Variants in CLIP1 observed in about 807,000 individuals in gnomAD.
CLIP1 encodes CAP-Gly domain containing linker protein 1.
A neutral mutation model predicts 161.6 loss-of-function variants in CLIP1; 66 were observed. The observed-to-expected ratio is 0.41, with a 90% CI of 0.33 to 0.50. The LOEUF (loss-of-function observed/expected upper bound fraction) is 0.50. Ranked by LOEUF, CLIP1 falls within the 20% of genes least tolerant of loss-of-function variation. The pLI is 0.27. For synonymous variants in CLIP1, 598 were observed against 626.2 expected (o/e 0.96, Z 0.67); for missense variants, 1,376 against 1,702.0 (o/e 0.81, Z 3.37).
At chr12:122,310,118 C>A (rs1240840342) in intron 19 of CLIP1, among the ~76,000 whole-genome samples, 1 of 151,992 alleles carries the variant, frequency 6.6e-6, no homozygotes, top group Admixed American at 6.6e-5. Flanking sequence ...AAACCCTATG[C>A]CCACCCTCCC....
chr12:122,370,634 G>A (rs886595210), intron 3 of CLIP1, among the ~76,000 whole-genome samples: 2 of 152,130 alleles, frequency 1.3e-5, no homozygotes, highest in Non-Finnish European at 1.5e-5. Context: ...ATACCCTCTT[G>A]TAAGTCTAAC....
chr12:122,358,089 T>A (rs989573092), intron 5 of CLIP1, among the ~76,000 whole-genome samples: 1 of 152,196 alleles, frequency 6.6e-6, no homozygotes, highest in African/African-American at 2.4e-5. Flanking sequence ...TTTTGCTCTG[T>A]ACTAAGAAAA....
intron 1 of CLIP1, among the ~76,000 whole-genome samples, chr12:122,390,308 A>ATG (rs1352254815): frequency 7.1e-5 from 9 of 127,380 alleles, no homozygotes; most frequent in South Asian, 2.4e-4. Flanking sequence ...ATATATGTAT[A>ATG]TATATATATA....
At chr12:122,337,394 C>T (rs1056098780) in intron 11 of CLIP1, among the ~76,000 whole-genome samples, 11 of 148,898 alleles carry the variant, frequency 7.4e-5, no homozygotes, top group African/African-American at 2.2e-4. Flanking sequence ...TTGGGTGAGC[C>T]GAGACCAGAC....
rs1220365499 is a variant in CLIP1, at chr12:122,354,560, G to GTCATGTCCGTCCC, written c.1204-5_1204-4insGGGACGGACATGA. Reference sequence around the variant, plus strand: ...TGGCTTCCAATTCCAGGACATGCTGGGGAAGGCAAGAATGTCGGTAAATGG... The same window carrying GTCATGTCCGTCCC: ...TGGCTTCCAATTCCAGGACATGCTGGTCATGTCCGTCCCGGAAGGCAAGAATGTCGGTAAATGG... On this transcript the variant is annotated splice_region_variant and splice_polypyrimidine_tract_variant and intron_variant, in intron 6 of 25. Coordinates refer to ENST00000620786, the MANE Select transcript of CLIP1 (RefSeq NM_001247997.2). 2 of 1,610,748 alleles carry GTCATGTCCGTCCC rather than the reference G, an allele frequency of 1.2e-6. No homozygotes were observed.
chr12:122,390,692 T>C (rs1305173694), intron 1 of CLIP1, among the ~76,000 whole-genome samples: 1 of 151,648 alleles, frequency 6.6e-6, no homozygotes, highest in East Asian at 1.9e-4. Context: ...ACCCCTAGAA[T>C]CCACTGTTGA....
chr12:122,317,052 GAT>G (rs3066209), intron 18 of CLIP1, among the ~76,000 whole-genome samples, 197 bp from the exon 19 acceptor site: 30,318 of 151,328 alleles, frequency 0.2, 6,579 homozygotes, highest in African/African-American at 0.55. Flanking sequence ...CATTTAGTCT[GAT>G]ATATATATAT....
chr12:122,379,952 A>AAAAAAAAAAAAAAAAAAAAAG (rs1954934900), intron 2 of CLIP1, among the ~76,000 whole-genome samples: 1 of 147,862 alleles, frequency 6.8e-6, no homozygotes, highest in African/African-American at 2.5e-5. Context: ...TTTAAAAAAA[A>AAAAAAAAAAAAAAAAAAAAAG]AAAAAAAAAA....
chr12:122,417,248 A>G (rs542138567), intron 1 of CLIP1, among the ~76,000 whole-genome samples: 1 of 152,162 alleles, frequency 6.6e-6, no homozygotes, highest in African/African-American at 2.4e-5. Context: ...GTGAGCTGGG[A>G]TTGCTCCATT....
At chr12:122,390,197 A>ATAAT (rs1555280492) in intron 1 of CLIP1, among the ~76,000 whole-genome samples, 2 of 90,600 alleles carry the variant, frequency 2.2e-5, no homozygotes, top group Non-Finnish European at 5.3e-5. Context: ...ATATATATAT[A>ATAAT]ATATATATAT....
Position 122,357,117 on chromosome 12 carries a change from C to A in CLIP1, c.1006-1805G>T, listed in dbSNP as rs560699906. Among the ~76,000 whole-genome samples, 7 of 151,646 alleles carry A rather than the reference C, an allele frequency of 4.6e-5. No homozygotes were observed. In the East Asian group the frequency reaches 1.4e-3, roughly 30 times the overall value. On this transcript the variant is annotated intron_variant, in intron 5 of 25. Coordinates refer to ENST00000620786, the MANE Select transcript of CLIP1 (RefSeq NM_001247997.2). ...GCTGCCCAGTCTGGAAAGTGAGGAG[C>A]GTCTCTGCCCGGCCGCCATCTCATC...
At chr12:122,309,984 A>T (rs996238634) in intron 19 of CLIP1, 102 bp from the exon 20 acceptor site, 1 of 1,309,676 alleles carries the variant, frequency 7.6e-7, no homozygotes, top group African/African-American at 1.5e-5. Flanking sequence ...TATCTGGGTC[A>T]CGTGCCTGAT....
At chr12:122,334,305 T>C (rs115960819) in intron 13 of CLIP1, among the ~76,000 whole-genome samples, 195 bp from the exon 14 acceptor site, 3,348 of 152,326 alleles carry the variant, frequency 0.022, 117 homozygotes, top group African/African-American at 0.076. Flanking sequence ...CTGGCCTCCC[T>C]GAATCAGTAC....
chr12:122,297,076 T>G (rs991694195), intron 20 of CLIP1, among the ~76,000 whole-genome samples: 31 of 145,496 alleles, frequency 2.1e-4, no homozygotes, highest in African/African-American at 8.5e-4. Flanking sequence ...AAAGGGAGAG[T>G]TAAAGAAAAA....
chr12:122,278,271 C>G (rs1050407018), intron 23 of CLIP1, 68 bp from the exon 24 acceptor site: 3 of 1,409,254 alleles, frequency 2.1e-6, no homozygotes, highest in Non-Finnish European at 2.0e-6. Flanking sequence ...TAATCACAAT[C>G]TAAACTGCAG....
chr12:122,341,762 C>CCTTTTTTTTTTTTTTTT (rs1566143047), intron 10 of CLIP1, 65 bp from the exon 11 acceptor site: 11 of 96,030 alleles, frequency 1.1e-4, no homozygotes, highest in South Asian at 6.2e-4. Context: ...ATTTTCTTTT[C>CCTTTTTTTTTTTTTTTT]TTTTTTTTTT....
chr12:122,405,862 C>T (rs1273541595), intron 1 of CLIP1, among the ~76,000 whole-genome samples: 1 of 149,452 alleles, frequency 6.7e-6, no homozygotes, highest in Non-Finnish European at 1.5e-5. Flanking sequence ...TGAGGTCAGA[C>T]GTTCAAGACC....
At chr12:122,286,350 C>G (rs12370367) in intron 21 of CLIP1, among the ~76,000 whole-genome samples, 2 of 151,358 alleles carry the variant, frequency 1.3e-5, no homozygotes, top group Middle Eastern at 3.2e-3. Context: ...AACCCTATCT[C>G]TACTAAAACT....
chr12:122,382,260 C>A (rs2136855801), intron 1 of CLIP1, among the ~76,000 whole-genome samples: 1 of 151,898 alleles, frequency 6.6e-6, no homozygotes, highest in African/African-American at 2.4e-5. Context: ...ACTCGAGAGG[C>A]TGCAGCAGGA....
Sources: gnomAD v4.1 joint callset for allele counts (sites outside exome capture counted in the v4.1 genomes callset) on GRCh38, gnomAD v4.1.1 for gene constraint, MANE v1.5 for transcripts, NCBI Gene and HGNC (gene_info 2026-07-23, HGNC 2026-07-21) for gene names.